Variants in ECPAS observed in about 807,000 individuals in gnomAD.
ECPAS encodes Ecm29 proteasome adaptor and scaffold.
Under a neutral mutation model 255.1 loss-of-function variants are expected in ECPAS, and 70 were observed. The ratio of observed to expected loss-of-function variants is 0.27; its 90% confidence interval spans 0.23 to 0.33. The LOEUF (loss-of-function observed/expected upper bound fraction) is 0.33, where lower values mean the gene tolerates loss of function less well. Among genes scored for constraint, ECPAS ranks in the 10% least tolerant of loss-of-function variants. The probability of loss-of-function intolerance (pLI) is 1.00; values close to 1 mark genes in which losing one functional copy is unlikely to be tolerated. For synonymous variants in ECPAS, 784 were observed against 775.0 expected (o/e 1.01, Z -0.19); for missense variants, 1,817 against 2,206.4 (o/e 0.82, Z 3.54).
At position 111,370,642 on chromosome 9, in the gene ECPAS, C is replaced by A. The variant is rs2098126191; in HGVS notation, c.4782-15G>T. 1 of 1,608,596 alleles carries A rather than the reference C, an allele frequency of 6.2e-7. No individual in the cohort carries two copies. Among genetic ancestry groups the A allele is most frequent in the East Asian group, 2.2e-5 (1 of 44,698 alleles). ...CCAGCTCTGCACTACAGGGTCCATACAAAAGCATCAGAAGTTAATAAAGGC... is the reference window on the plus strand; with the variant it reads ...CCAGCTCTGCACTACAGGGTCCATAAAAAAGCATCAGAAGTTAATAAAGGC... On this transcript the variant is annotated splice_polypyrimidine_tract_variant and intron_variant, in intron 44 of 49. Coordinates refer to ENST00000684092, the MANE Select transcript of ECPAS (RefSeq NM_001364929.1).
chr9:111,396,563 T>C (rs2098167951), intron 25 of ECPAS, among the ~76,000 whole-genome samples: 1 of 152,180 alleles, frequency 6.6e-6, no homozygotes, highest in Non-Finnish European at 1.5e-5. Context: ...CTGCTTTTTA[T>C]TTTTTGAGAC....
At position 111,390,006 on chromosome 9, in the gene ECPAS, T is replaced by C. The variant is rs778023695; in HGVS notation, c.3257A>G (p.His1086Arg). Residue 1086 changes from histidine to arginine, a missense_variant, in exon 30 of 50, where the codon CAT (histidine) becomes CGT (arginine). Physicochemically the swap from His to Arg is conservative, Grantham distance 29. This residue lies in a region of ECPAS where 960 missense variants were observed against 1,179.0 expected (regional missense o/e 0.81). Transcript: ENST00000684092. ...VYKFMNLANH[H>R]AMWNSRKGAA... is the part of the protein sequence containing the mutation. Reference sequence around the variant, plus strand: ...TACCTTCCTAGAGTTCCACATTGCATGATGGTTGGCTAAATTCATAAATTT... The same window carrying C: ...TACCTTCCTAGAGTTCCACATTGCACGATGGTTGGCTAAATTCATAAATTT... 6.3e-7 allele frequency: 1 copy of C among 1,598,536 alleles called. No homozygotes were observed.
intron 1 of ECPAS, among the ~76,000 whole-genome samples, chr9:111,476,574 A>ATTTTTT (rs58723893): frequency 6.4e-4 from 68 of 105,872 alleles, no homozygotes; most frequent in Non-Finnish European, 7.5e-4. Context: ...TAACATCAGA[A>ATTTTTT]TTTTTTTTTT....
intron 1 of ECPAS, among the ~76,000 whole-genome samples, chr9:111,475,034 C>T (rs143980116): frequency 4.8e-4 from 73 of 152,282 alleles, no homozygotes; most frequent in Middle Eastern, 3.4e-3. Flanking sequence ...AGCTATTTTT[C>T]CTTTAGCCTC....
chr9:111,362,706 G>C (rs1206368032), intron 49 of ECPAS, among the ~76,000 whole-genome samples: 2 of 152,150 alleles, frequency 1.3e-5, no homozygotes, highest in African/African-American at 2.4e-5. Flanking sequence ...TTGTTTACAA[G>C]GTTCTGTCAC....
rs1564514635 is a variant in ECPAS at position 111,394,184 on chromosome 9, C to G, written c.2898G>C (p.Lys966Asn). ...ACIWLLSLVR[K>N]LSTHKEVKSH... ...CCTTCACTTCTTTGTGGGTACTTAGCTTCCTGACAAGGGAAAGGAGCCAGA... is the reference window on the plus strand; with the variant it reads ...CCTTCACTTCTTTGTGGGTACTTAGGTTCCTGACAAGGGAAAGGAGCCAGA... Residue 966 changes from lysine (K) to asparagine (N), a missense_variant, in exon 26 of 50, where the codon AAG becomes AAC. Around this residue, in one of 4 missense-constraint regions of ECPAS, gnomAD observed 960 missense variants for 1,179.0 expected, o/e 0.81. Transcript: ENST00000684092. 3 of 1,608,692 alleles carry G rather than the reference C, an allele frequency of 1.9e-6. No individual in the cohort carries two copies. The highest frequency in any genetic ancestry group is 2.5e-6 in the Non-Finnish European group (3 of 1,177,512).
Position 111,363,520 on chromosome 9 carries a change from AC to A in ECPAS, c.5380+67del. 11 of 938,364 alleles carry A rather than the reference AC, an allele frequency of 1.2e-5. 1 individual carries two copies. The South Asian group carries it at 1.5e-4, about 13-fold the overall frequency. 58.1% of individuals were successfully genotyped at this position (938,364 alleles called of 1,614,324 possible). On this transcript the variant is annotated intron_variant, in intron 49 of 49. Coordinates refer to ENST00000684092, the MANE Select transcript of ECPAS (RefSeq NM_001364929.1). The stretch of plus-strand genomic sequence containing the variant: ...GCTTAAGAGTATAAGCAAAAACGAA[AC>A]AAAAAATTTCTAAAACATATGCCAC...
At position 111,375,121 on chromosome 9, in the gene ECPAS, C is replaced by T; in HGVS notation, c.4102G>A (p.Gly1368Arg). Residue 1368 changes from glycine (G) to arginine (R), a missense_variant, in exon 38 of 50, where the codon GGA becomes AGA. By Grantham distance (125) the Gly-to-Arg change is moderately radical (BLOSUM62 -2). This residue lies in a region of ECPAS where 960 missense variants were observed against 1,179.0 expected (regional missense o/e 0.81). Transcript: ENST00000684092. ...CELIRSGVGLGTKGGCASVIV... is the reference protein window; with the variant it reads ...CELIRSGVGLRTKGGCASVIV... ...GTGGAAAGTACACTTACCTTAGTTC[C>T]AAGACCTACACCACTTCTGATCAGT... 6.2e-7 allele frequency: 1 copy of T among 1,612,560 alleles called. No individual in the cohort carries two copies. The highest frequency in any genetic ancestry group is 8.5e-7 in the Non-Finnish European group (1 of 1,178,706).
chr9:111,435,408 A>G (rs781584941), intron 7 of ECPAS, among the ~76,000 whole-genome samples: 4 of 152,216 alleles, frequency 2.6e-5, no homozygotes, highest in Non-Finnish European at 5.9e-5. Context: ...CATATTGGCA[A>G]ATAATGACCA....
intron 24 of ECPAS, among the ~76,000 whole-genome samples, chr9:111,405,381 GC>G (rs780137823): frequency 3.3e-5 from 5 of 149,620 alleles, no homozygotes; most frequent in Non-Finnish European, 7.4e-5. Flanking sequence ...ATGAAACTGG[GC>G]CCCTTTGTCT....
chr9:111,406,577 T>C lies in ECPAS; in HGVS notation c.2652+1994A>G, dbSNP rs149787264. ...GGATATCCCAATTACCCTAATTTGA[T>C]CATTACACATTGTATGCTTGTATCA... On this transcript the variant is annotated intron_variant, in intron 24 of 49. Transcript: ENST00000684092. 5.9e-4 allele frequency among the ~76,000 whole-genome samples: 89 copies of C among 149,908 alleles called. 13 individuals are homozygous for C. Among genetic ancestry groups the C allele is most frequent in the African/African-American group, 2.1e-3 (83 of 39,592 alleles).
intron 7 of ECPAS, 21 bp downstream of exon 7, chr9:111,436,919 T>A: frequency 1.3e-6 from 2 of 1,568,938 alleles, no homozygotes; most frequent in Non-Finnish European, 1.7e-6. Flanking sequence ...ACTACTATTA[T>A]GAGCAAGCCT....
Position 111,394,274 on chromosome 9 carries a change from C to T in ECPAS, c.2808G>A (p.Val936=), listed in dbSNP as rs1465948220. 8 of 1,594,200 alleles carry T rather than the reference C, an allele frequency of 5.0e-6. No homozygotes were observed. The highest frequency in any genetic ancestry group is 5.1e-6 in the Non-Finnish European group (6 of 1,170,160). The change falls in exon 26 of 50, where the codon GTG becomes GTA. Residue 936 remains valine (V), a synonymous_variant. Transcript: ENST00000684092. The part of the protein sequence containing the change: ...GAKVNDVVPW[V]LDVILNKHII... ...TATGTTTATTTAAAATCACATCCAA[C>T]ACCCATGGAACCACATCATTCACTT...
At chr9:111,407,549 G>A (rs768885155) in intron 24 of ECPAS, among the ~76,000 whole-genome samples, 9 of 151,156 alleles carry the variant, frequency 6.0e-5, no homozygotes, top group African/African-American at 1.9e-4. Context: ...CCCAGGAGAC[G>A]TAGATTGTCT....
intron 1 of ECPAS, among the ~76,000 whole-genome samples, chr9:111,473,382 A>C (rs2098291763): frequency 6.6e-6 from 1 of 152,210 alleles, no homozygotes; most frequent in South Asian, 2.1e-4. Flanking sequence ...AGTGTTACTA[A>C]ACATGTATAC....
intron 21 of ECPAS, among the ~76,000 whole-genome samples, chr9:111,411,482 A>C (rs2098194349): frequency 6.6e-6 from 1 of 152,186 alleles, no homozygotes; most frequent in African/African-American, 2.4e-5. Context: ...ATGTAACTAG[A>C]ATATCATAAC....
intron 7 of ECPAS, 89 bp from the exon 8 acceptor site, chr9:111,433,461 C>A: frequency 7.1e-7 from 1 of 1,407,006 alleles, no homozygotes. Context: ...AGTGTGGTCA[C>A]AAGCCAAAGA....
intron 7 of ECPAS, 116 bp from the exon 8 acceptor site, chr9:111,433,488 T>A: frequency 2.1e-6 from 2 of 957,228 alleles, no homozygotes; most frequent in Non-Finnish European, 3.2e-6. Flanking sequence ...GTAACAACAG[T>A]AGCAGCTCCT....
chr9:111,376,197 G>A (rs138930461), intron 37 of ECPAS, among the ~76,000 whole-genome samples: 1 of 152,252 alleles, frequency 6.6e-6, no homozygotes, highest in East Asian at 1.9e-4. Context: ...TAAATAGGCA[G>A]ATCAAAAGAC....
Sources: gnomAD v4.1 joint callset for allele counts (sites outside exome capture counted in the v4.1 genomes callset) on GRCh38, gnomAD v4.1.1 for gene constraint, gnomAD v4.1.1 regional missense constraint, MANE v1.5 for transcripts, NCBI Gene and HGNC (gene_info 2026-07-23, HGNC 2026-07-21) for gene names.